The following KATNBL1 variants were observed in gnomAD, a reference collection of about 807,000 sequenced individuals.
The protein encoded by KATNBL1 is katanin regulatory subunit B1 like 1.
A neutral mutation model predicts 44.7 loss-of-function variants in KATNBL1; 28 were observed. The ratio of observed to expected loss-of-function variants is 0.63; its 90% CI spans 0.46 to 0.86. KATNBL1 has a LOEUF of 0.86. KATNBL1 is among the 40% of genes least tolerant of loss of function. KATNBL1 has a pLI of 0.00. For synonymous variants in KATNBL1, 78 were observed against 114.9 expected (o/e 0.68, Z 2.06); for missense variants, 272 against 350.7 (o/e 0.78, Z 1.79).
At chr15:34,197,626 G>T (rs1168285789) in intron 1 of KATNBL1, among the ~76,000 whole-genome samples, 2 of 152,198 alleles carry the variant, frequency 1.3e-5, no homozygotes, top group Non-Finnish European at 2.9e-5. Context: ...TTTCTAAATA[G>T]TGGTATTACA....
chr15:34,156,055 C>T (rs1888627538), intron 2 of KATNBL1, among the ~76,000 whole-genome samples: 1 of 152,174 alleles, frequency 6.6e-6, no homozygotes, highest in African/African-American at 2.4e-5. Flanking sequence ...AAGTGACACT[C>T]CAGTTACTAG....
intron 2 of KATNBL1, among the ~76,000 whole-genome samples, chr15:34,156,462 T>C (rs1414238682): frequency 6.6e-6 from 1 of 152,222 alleles, no homozygotes; most frequent in Admixed American, 6.5e-5. Context: ...ACAATTGCTT[T>C]TGTTTAAAGT....
chr15:34,147,822 T>C (rs1436062429), intron 5 of KATNBL1, among the ~76,000 whole-genome samples: 1 of 152,096 alleles, frequency 6.6e-6, no homozygotes, highest in Non-Finnish European at 1.5e-5. Context: ...ATGAGGAAAG[T>C]AATGCTTCAA....
intron 2 of KATNBL1, among the ~76,000 whole-genome samples, chr15:34,160,955 C>T (rs1177116193): frequency 3.3e-5 from 5 of 152,194 alleles, no homozygotes; most frequent in African/African-American, 9.6e-5. Context: ...TCACATTCTT[C>T]TACTTTCGCT....
At position 34,148,620 on chromosome 15, in the gene KATNBL1, G is replaced by T; in HGVS notation, c.557+12C>A. On this transcript the variant is annotated intron_variant, in intron 5 of 9. Transcript: ENST00000256544. ...AAGTGATTGAACAAAGAGGATAAAA[G>T]GTCACACTTACCTCAACAAATAAGC... 7.2e-7 allele frequency: 1 copy of T among 1,390,694 alleles called. No individual in the cohort carries two copies. The highest frequency in any genetic ancestry group is 1.0e-6 in the Non-Finnish European group (1 of 979,418). The allele number at this position is 1,390,694 out of a possible 1,614,324, so 86.1% of individuals were successfully genotyped here. A position where few individuals can be genotyped will look rare whatever the true frequency, so the allele number is the denominator to read the frequency against.
chr15:34,163,834 T>C lies in KATNBL1; in HGVS notation c.-14-144A>G, dbSNP rs1309736168. The stretch of plus-strand genomic sequence containing the variant: ...TTAATTTACACATTTTTAAAAACCT[T>C]AAACATAGAGGAAGCACAAGGCAAG... On this transcript the variant is annotated intron_variant, in intron 1 of 9. Coordinates refer to ENST00000256544, the MANE Select transcript of KATNBL1 (RefSeq NM_024713.3). 6.3e-6 allele frequency: 3 copies of C among 475,742 alleles called. No homozygotes were observed. In the East Asian group the frequency reaches 1.1e-4, roughly 17 times the overall value. The allele number at this position is 475,742 out of a possible 1,614,324, so 29.5% of individuals were successfully genotyped here. A position where few individuals can be genotyped will look rare whatever the true frequency, so the allele number is the denominator to read the frequency against.
At chr15:34,156,427 C>G (rs570062506) in intron 2 of KATNBL1, among the ~76,000 whole-genome samples, 1 of 152,352 alleles carries the variant, frequency 6.6e-6, no homozygotes, top group Admixed American at 6.5e-5. Context: ...ATCTGGCCCT[C>G]TGGCCTGCCA....
chr15:34,209,457 T>G (rs1368034390), intron 1 of KATNBL1: 1 of 152,214 alleles, frequency 6.6e-6, no homozygotes, highest in Non-Finnish European at 1.5e-5. Context: ...TTTTTAAAGT[T>G]GCAATCGACA....
rs1567532039 is a variant in KATNBL1, at chr15:34,181,664, A to ACACATATATATG, written c.-14-17975_-14-17974insCATATATATGTG. Among the ~76,000 whole-genome samples the ACACATATATATG allele has an allele frequency of 1.9e-4, 17 of 88,322 alleles. 3 individuals carry two copies. Among genetic ancestry groups the ACACATATATATG allele is most frequent in the African/African-American group, 4.7e-4 (10 of 21,066 alleles). 57.9% of individuals were successfully genotyped at this position (88,322 alleles called of 152,430 possible). Reference sequence around the variant, plus strand: ...TACACATATATATGTCCATATATATATCCATATATATACACATATATATGT... The same window carrying ACACATATATATG: ...TACACATATATATGTCCATATATATACACATATATATGTCCATATATATACACATATATATGT... On this transcript the variant is annotated intron_variant, in intron 1 of 9. Transcript: ENST00000256544.
chr15:34,164,177 G>C (rs539716530), intron 1 of KATNBL1, among the ~76,000 whole-genome samples: 127 of 152,248 alleles, frequency 8.3e-4, no homozygotes, highest in African/African-American at 2.9e-3. Flanking sequence ...TACAGGCATG[G>C]GCCACTGTGC....
intron 1 of KATNBL1, chr15:34,208,771 C>T (rs1389719890): frequency 6.6e-6 from 1 of 152,114 alleles, no homozygotes; most frequent in Non-Finnish European, 1.5e-5. Context: ...TATGTGTACA[C>T]AAAAGCACAC....
chr15:34,143,433 C>G (rs1010770535), intron 9 of KATNBL1, among the ~76,000 whole-genome samples: 6 of 151,948 alleles, frequency 3.9e-5, no homozygotes, highest in Non-Finnish European at 2.9e-5. Flanking sequence ...CCACTGCACT[C>G]CAGCCTGGAC....
rs150691311 is a variant in KATNBL1 at position 34,171,605 on chromosome 15, T to C, written c.-14-7915A>G. Among the ~76,000 whole-genome samples the C allele has an allele frequency of 6.0e-3, 919 of 152,366 alleles. 2 individuals carry two copies. The highest frequency in any genetic ancestry group is 9.9e-3 in the South Asian group (48 of 4,832). On this transcript the variant is annotated intron_variant, in intron 1 of 9. Coordinates refer to ENST00000256544, the MANE Select transcript of KATNBL1 (RefSeq NM_024713.3). The stretch of plus-strand genomic sequence containing the variant: ...TACTGGGTATATACCCAAAGGATTA[T>C]AAATCATGCTACTATAAAGACACAT...
In KATNBL1 at chr15:34,178,489, GGC is replaced by G. The variant is rs1487565058; in HGVS notation, c.-14-14801_-14-14800del. On this transcript the variant is annotated intron_variant, in intron 1 of 9. Transcript: ENST00000256544. ...AGAATTTCAATGGGCCGGGCGTGGT[GGC>G]TCTCACCTGTAATCTCAGCACTTTG... Among the ~76,000 whole-genome samples, 10 of 152,266 alleles carry G rather than the reference GGC, an allele frequency of 6.6e-5. No individual in the cohort carries two copies. In the South Asian group the frequency reaches 1.9e-3, roughly 28 times the overall value.
At chr15:34,183,430 C>A (rs554565277) in intron 1 of KATNBL1, among the ~76,000 whole-genome samples, 1 of 152,124 alleles carries the variant, frequency 6.6e-6, no homozygotes, top group Non-Finnish European at 1.5e-5. Context: ...AAGACTCATC[C>A]GAATTTTTAA....
chr15:34,143,966 C>CAAAAAAAAA (rs61591705), intron 9 of KATNBL1, among the ~76,000 whole-genome samples: 1 of 66,412 alleles, frequency 1.5e-5, no homozygotes, highest in African/African-American at 7.0e-5. Flanking sequence ...GATTCCATCT[C>CAAAAAAAAA]AAAAAAAAAA....
chr15:34,181,840 A>ATATC lies in KATNBL1; in HGVS notation c.-14-18151_-14-18150insGATA, dbSNP rs1235366940. Reference sequence around the variant, plus strand: ...CATGTCCATATATATCCATATATATACACATATATATAGTCCATATATATA... The same window carrying ATATC: ...CATGTCCATATATATCCATATATATATATCCACATATATATAGTCCATATATATA... On this transcript the variant is annotated intron_variant, in intron 1 of 9. Coordinates refer to ENST00000256544, the MANE Select transcript of KATNBL1 (RefSeq NM_024713.3). 9.6e-4 allele frequency among the ~76,000 whole-genome samples: 52 copies of ATATC among 53,940 alleles called. 4 individuals are homozygous for ATATC. Among genetic ancestry groups the ATATC allele is most frequent in the Non-Finnish European group, 1.6e-3 (41 of 26,060 alleles). 35.4% of individuals were successfully genotyped at this position (53,940 alleles called of 152,430 possible).
At chr15:34,202,533 T>C (rs1890197957) in intron 1 of KATNBL1, among the ~76,000 whole-genome samples, 1 of 152,142 alleles carries the variant, frequency 6.6e-6, no homozygotes, top group South Asian at 2.1e-4. Context: ...CACCACCATA[T>C]CTCCTAGGCT....
At chr15:34,174,123 A>G (rs1889253040) in intron 1 of KATNBL1, among the ~76,000 whole-genome samples, 1 of 152,222 alleles carries the variant, frequency 6.6e-6, no homozygotes. Flanking sequence ...AAATTATAAC[A>G]CTATCTGATG....
Sources: gnomAD v4.1 joint callset for allele counts (sites outside exome capture counted in the v4.1 genomes callset) on GRCh38, gnomAD v4.1.1 for gene constraint, MANE v1.5 for transcripts, NCBI Gene and HGNC (gene_info 2026-07-23, HGNC 2026-07-21) for gene names.